Variants in GAB1 observed in about 807,000 individuals in gnomAD.
GAB1 encodes GRB2-associated-binding protein 1.
GAB1 carries 19 observed loss-of-function variants against 66.5 expected under a neutral mutation model. The observed-to-expected ratio is 0.29, with a 90% CI of 0.20 to 0.42. The LOEUF (loss-of-function observed/expected upper bound fraction) is 0.42. GAB1 is among the 10% of genes least tolerant of loss of function. The probability of loss-of-function intolerance (pLI) is 1.00; values close to 1 mark genes in which losing one functional copy is unlikely to be tolerated. For missense variants in GAB1, 732 were observed against 858.5 expected (o/e 0.85, Z 1.84); for synonymous variants, 294 against 301.4 (o/e 0.98, Z 0.25).
At chr4:143,393,646 T>G (rs1731293914) in intron 1 of GAB1, among the ~76,000 whole-genome samples, 1 of 152,224 alleles carries the variant, frequency 6.6e-6, no homozygotes, top group African/African-American at 2.4e-5. Context: ...AAACTAATTT[T>G]GGCTTTCCAG....
At chr4:143,407,326 T>C (rs1732102230) in intron 1 of GAB1, among the ~76,000 whole-genome samples, 1 of 152,038 alleles carries the variant, frequency 6.6e-6, no homozygotes, top group African/African-American at 2.4e-5. Flanking sequence ...GAGGTAGGCA[T>C]TAATTTAGCA....
At chr4:143,372,012 G>A (rs1730143511) in intron 1 of GAB1, among the ~76,000 whole-genome samples, 1 of 152,030 alleles carries the variant, frequency 6.6e-6, no homozygotes, top group Non-Finnish European at 1.5e-5. Flanking sequence ...TTCAATTATG[G>A]AGAGCAAAAT....
intron 2 of GAB1, among the ~76,000 whole-genome samples, chr4:143,430,927 C>T (rs1336609921): frequency 1.3e-5 from 2 of 152,182 alleles, no homozygotes; most frequent in Non-Finnish European, 2.9e-5. Flanking sequence ...CAAAAATTTA[C>T]ATTTTGACAT....
At chr4:143,459,558 G>A (rs762900419) in intron 7 of GAB1, 80 bp downstream of exon 7, 4 of 880,804 alleles carry the variant, frequency 4.5e-6, no homozygotes, top group African/African-American at 1.7e-5. Context: ...GAAAATATCT[G>A]GAATAGTGGT....
At chr4:143,458,857 T>C (rs974651943) in intron 6 of GAB1, among the ~76,000 whole-genome samples, 3 of 152,078 alleles carry the variant, frequency 2.0e-5, no homozygotes, top group Admixed American at 6.6e-5. Flanking sequence ...AGACTGTGCA[T>C]GAATTATTTT....
chr4:143,469,360 G>A lies in GAB1; in HGVS notation c.*171G>A. On this transcript the variant is annotated 3_prime_UTR_variant, in exon 10 of 10. Transcript: ENST00000262994. The stretch of plus-strand genomic sequence containing the variant: ...ATTTAGACTTAAGTGGTGCTTTGTG[G>A]TATCTGAACAATTCATAACATGTAA... The A allele has an allele frequency of 1.6e-6, 1 of 609,926 alleles. No homozygotes were observed. Among genetic ancestry groups the A allele is most frequent in the East Asian group, 2.8e-5 (1 of 35,754 alleles). 37.8% of individuals were successfully genotyped at this position (609,926 alleles called of 1,614,324 possible).
chr4:143,415,403 T>C (rs1732628867), intron 1 of GAB1, 74 bp from the exon 2 acceptor site: 1 of 1,159,108 alleles, frequency 8.6e-7, no homozygotes, highest in Admixed American at 2.5e-5. Flanking sequence ...GTAAAATCAG[T>C]TTGATAAATG....
intron 1 of GAB1, among the ~76,000 whole-genome samples, chr4:143,399,177 T>C (rs919145261): frequency 1.6e-4 from 24 of 152,204 alleles, no homozygotes; most frequent in African/African-American, 5.8e-4. Context: ...AAACCAAAAG[T>C]AAAGTGGCCA....
intron 1 of GAB1, chr4:143,349,309 T>G: frequency 8.1e-7 from 1 of 1,231,390 alleles, no homozygotes; most frequent in Non-Finnish European, 1.1e-6. Flanking sequence ...CTGAGTCCGC[T>G]GCATGGAGAC....
intron 1 of GAB1, among the ~76,000 whole-genome samples, chr4:143,383,128 T>C (rs755780007): frequency 9.1e-4 from 138 of 152,350 alleles, no homozygotes; most frequent in Non-Finnish European, 1.5e-3. Context: ...CACACTCCTC[T>C]CCATTTTTAA....
intron 1 of GAB1, among the ~76,000 whole-genome samples, chr4:143,362,136 A>C (rs1463925588): frequency 6.6e-6 from 1 of 152,138 alleles, no homozygotes; most frequent in African/African-American, 2.4e-5. Flanking sequence ...GAATCACATA[A>C]GTCCACCCTA....
Position 143,473,904 on chromosome 4 carries a change from A to G in GAB1, c.*4715A>G, listed in dbSNP as rs1302074814. On this transcript the variant is annotated 3_prime_UTR_variant, in exon 10 of 10. Coordinates refer to ENST00000262994, the MANE Select transcript of GAB1 (RefSeq NM_002039.4). Reference sequence around the variant, plus strand: ...CTATCTTCTTCAAGATTATTTTCTCATATGTCTGTCTGTCACCTTGTAAAC... The same window carrying G: ...CTATCTTCTTCAAGATTATTTTCTCGTATGTCTGTCTGTCACCTTGTAAAC... 3.3e-5 allele frequency: 5 copies of G among 152,114 alleles called. No individual in the cohort carries two copies. Among genetic ancestry groups the G allele is most frequent in the Admixed American group, 2.0e-4 (3 of 15,252 alleles). 9.4% of individuals were successfully genotyped at this position (152,114 alleles called of 1,614,324 possible).
chr4:143,448,768 G>GT (rs1734719352), intron 6 of GAB1, among the ~76,000 whole-genome samples: 1 of 151,346 alleles, frequency 6.6e-6, no homozygotes, highest in Non-Finnish European at 1.5e-5. Flanking sequence ...TTTTTGAAGG[G>GT]TTTTTTGTGT....
chr4:143,367,730 T>TG (rs1314451433), intron 1 of GAB1, among the ~76,000 whole-genome samples: 1 of 146,106 alleles, frequency 6.8e-6, no homozygotes, highest in African/African-American at 2.6e-5. Context: ...TTTTTTTTTT[T>TG]TTTTTTTTTT....
intron 6 of GAB1, among the ~76,000 whole-genome samples, chr4:143,449,308 G>A (rs781073087): frequency 0.12 from 18,789 of 151,372 alleles, 1,499 homozygotes; most frequent in Non-Finnish European, 0.19. Context: ...TATTAGGTCC[G>A]CTTGGTGCAG....
At chr4:143,364,917 A>G (rs6537154) in intron 1 of GAB1, among the ~76,000 whole-genome samples, 74,702 of 135,682 alleles carry the variant, frequency 0.55, 20,465 homozygotes, top group African/African-American at 0.68. Flanking sequence ...TCACTCTGTC[A>G]CCCAGGCTGG....
intron 6 of GAB1, among the ~76,000 whole-genome samples, chr4:143,447,738 G>A (rs1375757994): frequency 6.6e-6 from 1 of 152,076 alleles, no homozygotes; most frequent in South Asian, 2.1e-4. Context: ...TGCAAACAGG[G>A]ACAATTTGAC....
At chr4:143,351,309 A>C (rs1306148075) in intron 1 of GAB1, among the ~76,000 whole-genome samples, 1 of 152,176 alleles carries the variant, frequency 6.6e-6, no homozygotes, top group Non-Finnish European at 1.5e-5. Context: ...GGGGAGCCAG[A>C]AGGCAGATGG....
chr4:143,464,801 T>C (rs1735695021), intron 8 of GAB1, among the ~76,000 whole-genome samples: 1 of 152,206 alleles, frequency 6.6e-6, no homozygotes, highest in Non-Finnish European at 1.5e-5. Context: ...TGCTACGAAA[T>C]GAGAGAATAG....
Sources: allele counts gnomAD v4.1 joint callset (sites outside exome capture counted in the v4.1 genomes callset), GRCh38; gene constraint gnomAD v4.1.1; transcripts MANE v1.5; gene names NCBI Gene and HGNC (gene_info 2026-07-23, HGNC 2026-07-21).